LIFR: variants seen among roughly 807,000 people sequenced by gnomAD.
LIFR encodes leukemia inhibitory factor receptor.
Under a neutral mutation model 122.2 loss-of-function variants are expected in LIFR, and 84 were observed. That is an observed-to-expected ratio of 0.69 (90% CI 0.58 to 0.82). The LOEUF (loss-of-function observed/expected upper bound fraction) is 0.82, where lower values mean the gene tolerates loss of function less well. Ranked by LOEUF, LIFR falls within the 40% of genes least tolerant of loss-of-function variation. The pLI is 0.00. For missense variants in LIFR, 1,294 were observed against 1,311.6 expected, an observed-to-expected ratio of 0.99 and a Z score of 0.21; for synonymous variants, 422 against 434.7, an observed-to-expected ratio of 0.97 and a Z score of 0.36.
At chr5:38,545,126 C>T (rs773577332) in intron 1 of LIFR, among the ~76,000 whole-genome samples, 13 of 152,048 alleles carry the variant, frequency 8.5e-5, no homozygotes, top group Admixed American at 6.5e-4. Flanking sequence ...ACAAATTAGC[C>T]GGGCGTGGTG....
chr5:38,477,417 C>A lies in LIFR; in HGVS notation c.*4178G>T, dbSNP rs1743775903. 4.7e-6 allele frequency: 1 copy of A among 212,018 alleles called. No homozygotes were observed. The highest frequency in any genetic ancestry group is 9.5e-6 in the Non-Finnish European group (1 of 104,790). 13.1% of individuals were successfully genotyped at this position (212,018 alleles called of 1,614,324 possible). On this transcript the variant is annotated 3_prime_UTR_variant, in exon 20 of 20. Coordinates refer to ENST00000453190, the MANE Select transcript of LIFR (RefSeq NM_001127671.2). ...ACTTCATTTCAGCAGGAAATAAAGACTTAAAATAAATGCTTTCAAGAAATA... is the reference window on the plus strand; with the variant it reads ...ACTTCATTTCAGCAGGAAATAAAGAATTAAAATAAATGCTTTCAAGAAATA...
intron 2 of LIFR, 87 bp downstream of exon 2, chr5:38,530,419 G>A (rs1746939340): frequency 1.8e-6 from 2 of 1,095,074 alleles, no homozygotes; most frequent in East Asian, 4.7e-5. Context: ...AATCCTAAAG[G>A]GGTCAATAAA....
intron 19 of LIFR, 21 bp downstream of exon 19, chr5:38,482,568 T>C (rs1744053443): frequency 8.0e-7 from 1 of 1,249,874 alleles, no homozygotes; most frequent in South Asian, 1.4e-5. Context: ...CAAAGATAAA[T>C]ATAAGAAAAT....
chr5:38,537,383 C>T (rs1024673147), intron 1 of LIFR, among the ~76,000 whole-genome samples: 7 of 152,186 alleles, frequency 4.6e-5, no homozygotes, highest in African/African-American at 1.7e-4. Context: ...TCGGGACTCA[C>T]GCTATCATAC....
chr5:38,510,502 G>T lies in LIFR; in HGVS notation c.953C>A (p.Thr318Asn). Residue 318 changes from threonine to asparagine, a missense_variant, in exon 7 of 20, where the codon ACC becomes AAC. Thr to Asn is a moderately conservative substitution (Grantham distance 65, BLOSUM62 0). Coordinates refer to ENST00000453190, the MANE Select transcript of LIFR (RefSeq NM_001127671.2). Reference protein sequence around the residue: ...ASSGTNVVFTTEDNIFGTVIF... With the variant: ...ASSGTNVVFTNEDNIFGTVIF... Reference sequence around the variant, plus strand: ...AACGGTTCCAAATATGTTATCTTCGGTTGTAAAAACTACATTTGTTCCACT... The same window carrying T: ...AACGGTTCCAAATATGTTATCTTCGTTTGTAAAAACTACATTTGTTCCACT... 6.2e-7 allele frequency: 1 copy of T among 1,613,550 alleles called. No individual in the cohort carries two copies. The highest frequency in any genetic ancestry group is 1.3e-5 in the African/African-American group (1 of 74,984).
intron 1 of LIFR, among the ~76,000 whole-genome samples, chr5:38,570,562 G>A (rs950293918): frequency 1.3e-5 from 2 of 151,924 alleles, no homozygotes; most frequent in African/African-American, 2.4e-5. Context: ...GCACTTTCCC[G>A]GTGTTGCAAG....
intron 12 of LIFR, 24 bp downstream of exon 12, chr5:38,499,489 T>C: frequency 2.0e-6 from 3 of 1,475,292 alleles, no homozygotes; most frequent in Non-Finnish European, 2.8e-6. Flanking sequence ...AATGTAAATG[T>C]TCACAGAAAA....
chr5:38,511,900 A>C lies in LIFR; in HGVS notation c.626T>G (p.Met209Arg). 6.2e-7 allele frequency: 1 copy of C among 1,614,138 alleles called. No homozygotes were observed. Among genetic ancestry groups the C allele is most frequent in the Non-Finnish European group, 8.5e-7 (1 of 1,179,972 alleles). ...AAAATGAATGGCACATTCCAAGGGC[A>C]TATCTGAGGCCCAACTCCAGTGATG... is the stretch of plus-strand genomic sequence containing the variant. ...TLHHWSWASD[M>R]PLECAIHFVE... is the part of the protein sequence containing the mutation. The change falls in exon 6 of 20, where the codon ATG (methionine) becomes AGG (arginine). Residue 209 changes from methionine to arginine, a missense_variant. By Grantham distance (91) the Met-to-Arg change is moderately conservative (BLOSUM62 -1). Coordinates refer to ENST00000453190, the MANE Select transcript of LIFR (RefSeq NM_001127671.2).
At chr5:38,549,949 T>G (rs1354073264) in intron 1 of LIFR, among the ~76,000 whole-genome samples, 2 of 152,202 alleles carry the variant, frequency 1.3e-5, no homozygotes, top group Non-Finnish European at 2.9e-5. Context: ...GTAAGTAGGC[T>G]TCTTAAGAAT....
intron 1 of LIFR, among the ~76,000 whole-genome samples, chr5:38,571,424 G>T (rs1359223452): frequency 1.3e-5 from 2 of 151,064 alleles, no homozygotes; most frequent in Non-Finnish European, 2.9e-5. Flanking sequence ...GGGTCGTGGT[G>T]GGTGTCTGTA....
intron 2 of LIFR, among the ~76,000 whole-genome samples, chr5:38,603,724 C>G (rs1750268823): frequency 6.6e-6 from 1 of 152,138 alleles, no homozygotes; most frequent in Admixed American, 6.5e-5. Context: ...AGAAAGAAAA[C>G]TTCCTAGTTT....
intron 16 of LIFR, among the ~76,000 whole-genome samples, chr5:38,488,728 C>A (rs1321354016): frequency 1.3e-5 from 2 of 151,674 alleles, no homozygotes; most frequent in Non-Finnish European, 3.0e-5. Flanking sequence ...GAGTTTTTCT[C>A]CTCCACTGCT....
intron 16 of LIFR, among the ~76,000 whole-genome samples, chr5:38,488,387 A>G (rs1450900384): frequency 1.3e-5 from 2 of 152,182 alleles, no homozygotes; most frequent in African/African-American, 4.8e-5. Flanking sequence ...TTCTGAGGCG[A>G]GGTCATCCAG....
chr5:38,481,668 T>A lies in LIFR; in HGVS notation c.3221A>T (p.Asp1074Val). 1 of 1,614,166 alleles carries A rather than the reference T, an allele frequency of 6.2e-7. No homozygotes were observed. The highest frequency in any genetic ancestry group is 8.5e-7 in the Non-Finnish European group (1 of 1,180,016). The change falls in exon 20 of 20, where the codon GAT becomes GTT. Residue 1074 changes from aspartate to valine, a missense_variant. Asp to Val is a radical substitution (Grantham distance 152). Coordinates refer to ENST00000453190, the MANE Select transcript of LIFR (RefSeq NM_001127671.2). The part of the protein sequence containing the change: ...NSRQFLIPPK[D>V]EDSPKSNGGG... ...TCCATTAGATTTAGGAGAGTCTTCA[T>A]CTTTAGGAGGAATCAAAAATTGTCG...
intron 4 of LIFR, among the ~76,000 whole-genome samples, chr5:38,525,101 A>G (rs550352400): frequency 6.6e-6 from 1 of 152,312 alleles, no homozygotes; most frequent in African/African-American, 2.4e-5. Context: ...CAGGACACTA[A>G]AAAAGGTAGC....
At chr5:38,515,898 A>C (rs1746052124) in intron 5 of LIFR, among the ~76,000 whole-genome samples, 2 of 152,276 alleles carry the variant, frequency 1.3e-5, no homozygotes, top group South Asian at 4.2e-4. Flanking sequence ...ATGAATGCAA[A>C]GTGTTCTTGA....
rs1743717068 is a variant in LIFR, at chr5:38,476,267, C to T, written c.*5328G>A. On this transcript the variant is annotated 3_prime_UTR_variant, in exon 20 of 20. Transcript: ENST00000453190. ...CAAAAACACTAATACTAATGTTAAA[C>T]CTAACAGTTAACTTTTCCACGTTAT... 1 of 208,206 alleles carries T rather than the reference C, an allele frequency of 4.8e-6. No homozygotes were observed. Among genetic ancestry groups the T allele is most frequent in the Non-Finnish European group, 9.8e-6 (1 of 102,318 alleles). 12.9% of individuals were successfully genotyped at this position (208,206 alleles called of 1,614,324 possible).
In LIFR at chr5:38,525,372, A is replaced by G. The variant is rs3797167; in HGVS notation, c.397+1783T>C. ...TTTCTATCCTAGAAGCTCAAGGACC[A>G]ATTACATATAGTCATGGTAAGCCCA... On this transcript the variant is annotated intron_variant, in intron 4 of 19. Transcript: ENST00000453190. Among the ~76,000 whole-genome samples, 1,775 of 152,334 alleles carry G rather than the reference A, an allele frequency of 0.012. 179 individuals are homozygous for G. In the East Asian group the frequency reaches 0.25, roughly 21 times the overall value.
rs183333459 is a variant in LIFR at position 38,476,535 on chromosome 5, A to T, written c.*5060T>A. 4.1e-3 allele frequency: 767 copies of T among 185,436 alleles called. 3 individuals carry two copies. The highest frequency in any genetic ancestry group is 6.2e-3 in the Non-Finnish European group (558 of 90,322). 11.5% of individuals were successfully genotyped at this position (185,436 alleles called of 1,614,324 possible). On this transcript the variant is annotated 3_prime_UTR_variant, in exon 20 of 20. Transcript: ENST00000453190. ...CTATGTTGTTAGCTTTTTTTTTTTT[A>T]AAGTTCTGATTGGCTACTGTAAAGG...
Sources: allele counts gnomAD v4.1 joint callset (sites outside exome capture counted in the v4.1 genomes callset), GRCh38; gene constraint gnomAD v4.1.1; transcripts MANE v1.5; gene names NCBI Gene and HGNC (gene_info 2026-07-23, HGNC 2026-07-21).